Variants in SLC35H1 observed in about 807,000 individuals in gnomAD.
SLC35H1 encodes the protein solute carrier family 35 member H1.
chr20:46,356,884 A>C, the SLC35H1 span, among the ~76,000 whole-genome samples: 2 of 151,952 alleles, frequency 1.3e-5, no homozygotes, highest in Non-Finnish European at 2.9e-5. Context: ...TTCCACAAAC[A>C]CTCCGGCGAG....
chr20:46,360,440 G>T, the SLC35H1 span, among the ~76,000 whole-genome samples: 2 of 152,152 alleles, frequency 1.3e-5, no homozygotes, highest in Non-Finnish European at 2.9e-5. Flanking sequence ...CAGCTTCACT[G>T]CAACTTCCAG....
chr20:46,346,677 T>C, the SLC35H1 span: 2 of 152,128 alleles, frequency 1.3e-5, no homozygotes, highest in Non-Finnish European at 2.9e-5. Context: ...TCACCCCAAC[T>C]TGGGACAACT....
the SLC35H1 span, chr20:46,355,143 C>A: frequency 6.2e-7 from 1 of 1,614,140 alleles, no homozygotes; most frequent in Non-Finnish European, 8.5e-7. This position sits in a 1 kb window ranked among gnomAD's most constrained non-coding sequence, Gnocchi z 4.8. Flanking sequence ...AGGCCCCCAG[C>A]ACCAAGGCGA....
At chr20:46,359,026 C>G in the SLC35H1 span, 1 of 483,398 alleles carries the variant, frequency 2.1e-6, no homozygotes, top group Non-Finnish European at 3.8e-6. Context: ...CAGTGCTTTT[C>G]TGATAAAGAC....
the SLC35H1 span, chr20:46,355,008 T>C: frequency 3.7e-6 from 6 of 1,613,710 alleles, no homozygotes; most frequent in East Asian, 1.3e-4. The surrounding 1 kb of genome is among the most constrained non-coding windows in gnomAD (Gnocchi z 4.8). Context: ...GGTCCGGCCC[T>C]GCCCTGCCTC....
the SLC35H1 span, chr20:46,350,922 C>T: frequency 6.2e-7 from 1 of 1,611,832 alleles, no homozygotes; most frequent in Non-Finnish European, 8.5e-7. Flanking sequence ...GGAGCATGAT[C>T]AACAGGCAGA....
At chr20:46,357,650 C>G in the SLC35H1 span, 1 of 1,613,938 alleles carries the variant, frequency 6.2e-7, no homozygotes, top group Non-Finnish European at 8.5e-7. Flanking sequence ...CTGAGGTAGT[C>G]GGCCCAGCTC....
the SLC35H1 span, chr20:46,350,184 G>T: frequency 2.2e-6 from 1 of 460,668 alleles, no homozygotes; most frequent in Non-Finnish European, 3.8e-6. Flanking sequence ...CCCAGCTCTG[G>T]CCAGTCCCAG....
chr20:46,351,328 C>T, the SLC35H1 span, among the ~76,000 whole-genome samples: 1 of 152,242 alleles, frequency 6.6e-6, no homozygotes, highest in Non-Finnish European at 1.5e-5. Context: ...ACAGGACTGG[C>T]AAGGCCGTTC....
At chr20:46,355,322 C>T in the SLC35H1 span, 21 of 1,480,512 alleles carry the variant, frequency 1.4e-5, no homozygotes, top group African/African-American at 1.7e-4. The surrounding 1 kb of genome is among the most constrained non-coding windows in gnomAD (Gnocchi z 4.8). Flanking sequence ...CTGGGGTCAG[C>T]AGCCATCTTG....
At chr20:46,360,376 G>C in the SLC35H1 span, among the ~76,000 whole-genome samples, 1 of 152,154 alleles carries the variant, frequency 6.6e-6, no homozygotes, top group Non-Finnish European at 1.5e-5. Flanking sequence ...CAACACGGCT[G>C]TGTCAGTCTG....
the SLC35H1 span, among the ~76,000 whole-genome samples, chr20:46,351,105 T>C: frequency 3.3e-5 from 5 of 152,352 alleles, no homozygotes; most frequent in African/African-American, 1.2e-4. Flanking sequence ...AAGGAGGTGC[T>C]TGTCATGGAA....
At chr20:46,350,551 C>T in the SLC35H1 span, 6 of 1,562,486 alleles carry the variant, frequency 3.8e-6, no homozygotes, top group African/African-American at 4.1e-5. Context: ...ACCACAGTTA[C>T]AGGCCCAGTC....
the SLC35H1 span, chr20:46,364,317 C>G: frequency 6.6e-6 from 1 of 152,252 alleles, no homozygotes; most frequent in Non-Finnish European, 1.5e-5. Flanking sequence ...TTCTCCAGCC[C>G]CGGCCCCCCA....
chr20:46,362,050 A>C, the SLC35H1 span, among the ~76,000 whole-genome samples: 1 of 152,220 alleles, frequency 6.6e-6, no homozygotes, highest in African/African-American at 2.4e-5. Flanking sequence ...CCCCGCCTAC[A>C]AGAAGCACTG....
At chr20:46,350,353 G>A in the SLC35H1 span, 3 of 1,561,800 alleles carry the variant, frequency 1.9e-6, no homozygotes, top group Non-Finnish European at 2.6e-6. Flanking sequence ...CTGGCAGCAG[G>A]CTGGGGAGTG....
the SLC35H1 span, chr20:46,355,162 A>C: frequency 1.2e-6 from 2 of 1,614,148 alleles, no homozygotes; most frequent in South Asian, 1.1e-5. This position sits in a 1 kb window ranked among gnomAD's most constrained non-coding sequence, Gnocchi z 4.8. Flanking sequence ...GAAGCCCTCC[A>C]CGTTGAACTG....
the SLC35H1 span, chr20:46,351,918 G>A: frequency 1.1e-6 from 1 of 932,688 alleles, no homozygotes; most frequent in Non-Finnish European, 1.6e-6. Context: ...CAAAGTGCCT[G>A]GCACCTAATG....
At chr20:46,362,514 T>G in the SLC35H1 span, among the ~76,000 whole-genome samples, 1 of 152,190 alleles carries the variant, frequency 6.6e-6, no homozygotes, top group African/African-American at 2.4e-5. Flanking sequence ...CCCTACTCAC[T>G]ACTGTGTGAC....
Sources: allele counts gnomAD v4.1 joint callset (sites outside exome capture counted in the v4.1 genomes callset), GRCh38; gene constraint gnomAD v4.1.1; non-coding constraint Gnocchi (gnomAD v3.1); transcripts MANE v1.5; gene names NCBI Gene and HGNC (gene_info 2026-07-23, HGNC 2026-07-21).